Variants in DPP6 observed in about 807,000 individuals in gnomAD.
The protein encoded by DPP6 is dipeptidyl peptidase like 6, also known as A-type potassium channel modulatory protein DPP6.
A neutral mutation model predicts 122.6 loss-of-function variants in DPP6; 69 were observed. That is an observed-to-expected ratio of 0.56 (90% confidence interval 0.46 to 0.69). The LOEUF is 0.69. DPP6 is among the 30% of genes least tolerant of loss of function. The probability of loss-of-function intolerance (pLI) is 0.00; values close to 1 mark genes in which losing one functional copy is unlikely to be tolerated. For missense variants in DPP6, 928 were observed against 1,116.9 expected (o/e 0.83, Z 2.41); for synonymous variants, 418 against 433.1 (o/e 0.97, Z 0.43).
At chr7:153,928,395 C>CTTTTTTTTTTT (rs1467865041) in intron 1 of DPP6, among the ~76,000 whole-genome samples, 27 of 29,996 alleles carry the variant, frequency 9.0e-4, no homozygotes, top group African/African-American at 1.7e-3. Flanking sequence ...TCTTTTCTTT[C>CTTTTTTTTTTT]ATTTTTTTTT....
chr7:154,812,303 T>C (rs1342054472), intron 16 of DPP6, among the ~76,000 whole-genome samples: 1 of 152,246 alleles, frequency 6.6e-6, no homozygotes, highest in Non-Finnish European at 1.5e-5. Flanking sequence ...TAAGTTTAGC[T>C]GATATTGACC....
the DPP6 span, among the ~76,000 whole-genome samples, chr7:153,769,312 C>A: frequency 6.6e-6 from 1 of 152,062 alleles, no homozygotes; most frequent in South Asian, 2.1e-4. Context: ...TTGATATATG[C>A]ATACATTGTG....
intron 10 of DPP6, 43 bp from the exon 11 acceptor site, chr7:154,794,036 G>A (rs766886546): frequency 1.3e-6 from 2 of 1,595,868 alleles, no homozygotes; most frequent in Non-Finnish European, 1.7e-6. Flanking sequence ...TCTGTCGTGC[G>A]GGGGTCCTGC....
At chr7:154,818,165 T>G (rs900038860) in intron 16 of DPP6, among the ~76,000 whole-genome samples, 1 of 152,116 alleles carries the variant, frequency 6.6e-6, no homozygotes, top group Non-Finnish European at 1.5e-5. Context: ...GCATGTCACT[T>G]CAGAGAAGAG....
chr7:154,664,607 T>C (rs1838026528), intron 6 of DPP6, among the ~76,000 whole-genome samples: 1 of 152,086 alleles, frequency 6.6e-6, no homozygotes, highest in Admixed American at 6.5e-5. Context: ...TTTATTTGTT[T>C]GTTCATAGGC....
chr7:154,281,956 G>A lies in DPP6; in HGVS notation c.244-164258G>A, dbSNP rs564028399. ...CAGGGAAGAAGATGATATGGTATGGGGGGTTTGGAGCCAAAAATTGATTTG... is the reference window on the plus strand; with the variant it reads ...CAGGGAAGAAGATGATATGGTATGGAGGGTTTGGAGCCAAAAATTGATTTG... On this transcript the variant is annotated intron_variant, in intron 1 of 25. Transcript: ENST00000377770. 3.7e-4 allele frequency among the ~76,000 whole-genome samples: 56 copies of A among 152,266 alleles called. No homozygotes were observed. In the South Asian group the frequency reaches 0.011, roughly 30 times the overall value.
chr7:154,349,722 A>G (rs780584041), intron 1 of DPP6, among the ~76,000 whole-genome samples: 27 of 152,196 alleles, frequency 1.8e-4, no homozygotes, highest in Non-Finnish European at 3.5e-4. Flanking sequence ...AGCTAGAGTA[A>G]GTGTGCAGCA....
the DPP6 span, among the ~76,000 whole-genome samples, chr7:153,816,307 A>G: frequency 5.5e-5 from 4 of 72,370 alleles, no homozygotes; most frequent in East Asian, 4.5e-4. Context: ...CAAATTTCCT[A>G]TGTTAATATA....
intron 17 of DPP6, among the ~76,000 whole-genome samples, chr7:154,864,505 C>G (rs1177206271): frequency 6.6e-6 from 1 of 152,218 alleles, no homozygotes; most frequent in Non-Finnish European, 1.5e-5. Flanking sequence ...GTGCTCCAGA[C>G]TGGAGGTCCC....
intron 1 of DPP6, among the ~76,000 whole-genome samples, chr7:154,173,358 C>T (rs565335028): frequency 8.0e-4 from 122 of 152,248 alleles, no homozygotes; most frequent in Admixed American, 1.8e-3. Flanking sequence ...GAAGAAGTGA[C>T]GTAAAGGAAA....
chr7:154,684,523 A>G (rs1253288629), intron 7 of DPP6, among the ~76,000 whole-genome samples: 1 of 152,210 alleles, frequency 6.6e-6, no homozygotes, highest in East Asian at 1.9e-4. Flanking sequence ...TCGATTTATG[A>G]ATTTTTATGA....
intron 1 of DPP6, among the ~76,000 whole-genome samples, chr7:153,966,908 A>T (rs1421386565): frequency 6.6e-6 from 1 of 151,392 alleles, no homozygotes; most frequent in African/African-American, 2.4e-5. Flanking sequence ...CTCTACCAAA[A>T]ATAGAAAAAT....
intron 16 of DPP6, among the ~76,000 whole-genome samples, chr7:154,840,731 A>G (rs1563270810): frequency 6.6e-6 from 1 of 152,164 alleles, no homozygotes; most frequent in Non-Finnish European, 1.5e-5. Flanking sequence ...TCATACCTTC[A>G]TTACCAAACT....
At chr7:154,685,521 G>T (rs531320087) in intron 7 of DPP6, among the ~76,000 whole-genome samples, 1 of 152,326 alleles carries the variant, frequency 6.6e-6, no homozygotes, top group Admixed American at 6.5e-5. Flanking sequence ...GGGTTTAGAT[G>T]CTTACAGGCG....
intron 1 of DPP6, among the ~76,000 whole-genome samples, chr7:153,955,534 G>A (rs1475713303): frequency 6.6e-6 from 1 of 152,220 alleles, no homozygotes. Flanking sequence ...TGCCTCCCAG[G>A]TTCAAGCAAT....
chr7:154,807,292 C>A (rs1174680249), intron 16 of DPP6, among the ~76,000 whole-genome samples, 180 bp downstream of exon 16: 1 of 152,166 alleles, frequency 6.6e-6, no homozygotes, highest in East Asian at 1.9e-4. Flanking sequence ...TGGACCCCCA[C>A]AGAGCCTGGT....
chr7:154,280,693 C>G (rs986105852), intron 1 of DPP6, among the ~76,000 whole-genome samples: 1 of 152,180 alleles, frequency 6.6e-6, no homozygotes, highest in African/African-American at 2.4e-5. Flanking sequence ...TAAAACATCA[C>G]TCCCAGGAAA....
intron 1 of DPP6, among the ~76,000 whole-genome samples, chr7:154,011,433 T>C (rs917104966): frequency 2.0e-5 from 3 of 152,166 alleles, no homozygotes; most frequent in Non-Finnish European, 2.9e-5. Context: ...CATTGCACAA[T>C]AGGCAGTTGA....
chr7:154,210,015 T>C (rs1465354475), intron 1 of DPP6, among the ~76,000 whole-genome samples: 3 of 152,174 alleles, frequency 2.0e-5, no homozygotes, highest in African/African-American at 7.2e-5. Flanking sequence ...CACCTCTATC[T>C]TCAAACTCCA....
Sources: allele counts gnomAD v4.1 joint callset (sites outside exome capture counted in the v4.1 genomes callset), GRCh38; gene constraint gnomAD v4.1.1; transcripts MANE v1.5; gene names NCBI Gene and HGNC (gene_info 2026-07-23, HGNC 2026-07-21).